ABCD2: variants seen among roughly 807,000 people sequenced by gnomAD.
ABCD2 encodes the protein ATP-binding cassette sub-family D member 2.
A neutral mutation model predicts 70.9 loss-of-function variants in ABCD2; 36 were observed. The ratio of observed to expected loss-of-function variants is 0.51; its 90% confidence interval spans 0.39 to 0.67. The LOEUF (loss-of-function observed/expected upper bound fraction) is 0.67, where lower values mean the gene tolerates loss of function less well. ABCD2 is among the 30% of genes least tolerant of loss of function. The probability of loss-of-function intolerance (pLI) is 0.00; values close to 1 mark genes in which losing one functional copy is unlikely to be tolerated. For synonymous variants in ABCD2, 304 were observed against 306.9 expected (o/e 0.99, Z 0.10); for missense variants, 729 against 890.2 (o/e 0.82, Z 2.30).
chr12:39,588,166 TA>T (rs962068437), intron 6 of ABCD2, among the ~76,000 whole-genome samples: 1 of 152,078 alleles, frequency 6.6e-6, no homozygotes, highest in Non-Finnish European at 1.5e-5. Flanking sequence ...TGTTTTTTAA[TA>T]AAAAAATTTC....
intron 9 of ABCD2, among the ~76,000 whole-genome samples, chr12:39,567,258 A>G (rs750129849): frequency 4.9e-4 from 75 of 152,130 alleles, no homozygotes; most frequent in Non-Finnish European, 9.7e-4. Context: ...ATTATTGTGC[A>G]GGAGTCTAAG....
At position 39,551,259 on chromosome 12, in the gene ABCD2, G is replaced by A. The variant is rs1197206951; in HGVS notation, c.*2653C>T. ...AAGTTTAAGAGTTAACCTAAAGAAT[G>A]CACATTTTAAACTCAAGCTCCATAA... On this transcript the variant is annotated 3_prime_UTR_variant, in exon 10 of 10. Coordinates refer to ENST00000308666, the MANE Select transcript of ABCD2 (RefSeq NM_005164.4). The A allele has an allele frequency of 1.3e-5, 2 of 151,738 alleles. No homozygotes were observed. The highest frequency in any genetic ancestry group is 6.6e-5 in the Admixed American group (1 of 15,218). The allele number at this position is 151,738 out of a possible 1,614,324, so 9.4% of individuals were successfully genotyped here. A position where few individuals can be genotyped will look rare whatever the true frequency, so the allele number is the denominator to read the frequency against.
intron 2 of ABCD2, among the ~76,000 whole-genome samples, chr12:39,615,201 G>C (rs996168018): frequency 3.0e-4 from 45 of 151,644 alleles, no homozygotes; most frequent in African/African-American, 1.1e-3. Flanking sequence ...GAATACTCCA[G>C]GGTTTTTTAA....
chr12:39,547,769 A>T (rs1422356683), downstream of ABCD2, among the ~76,000 whole-genome samples: 1 of 152,164 alleles, frequency 6.6e-6, no homozygotes, highest in African/African-American at 2.4e-5. Flanking sequence ...TGAACTGTAC[A>T]CATAAAAATG....
chr12:39,534,768 AAGAAAG>A, the ABCD2 span, among the ~76,000 whole-genome samples: 6,869 of 33,798 alleles, frequency 0.2, 354 homozygotes, highest in East Asian at 0.51. Context: ...AAGAGAAAGA[AAGAAAG>A]AAAGAAAGAA....
intron 3 of ABCD2, among the ~76,000 whole-genome samples, chr12:39,606,037 A>G (rs1263624473): frequency 1.3e-5 from 2 of 152,166 alleles, no homozygotes; most frequent in African/African-American, 2.4e-5. Flanking sequence ...TTGAGTTGTC[A>G]AGTAGAGGAA....
chr12:39,590,087 A>G (rs1348380085), intron 6 of ABCD2, among the ~76,000 whole-genome samples: 3 of 152,224 alleles, frequency 2.0e-5, no homozygotes, highest in African/African-American at 7.2e-5. Context: ...CAATGTTTAT[A>G]TAATTAGTTT....
intron 9 of ABCD2, among the ~76,000 whole-genome samples, chr12:39,566,607 A>C (rs886639260): frequency 5.9e-5 from 9 of 151,874 alleles, no homozygotes; most frequent in African/African-American, 2.2e-4. Context: ...TTTTTTTGAA[A>C]GGTTTTTTGT....
At position 39,553,951 on chromosome 12, in the gene ABCD2, T is replaced by G. The variant is rs374847835; in HGVS notation, c.2184A>C (p.Ser728=). The part of the protein sequence containing the change: ...NELCKILGED[S]VLKTIKNEDE... ...CTTCATTTTTAATTGTTTTCAGCAC[T>G]GAGTCTTCTCCCAAAATTTTACATA... The change falls in exon 10 of 10, where the codon TCA becomes TCC. Residue 728 remains serine (S), a synonymous_variant. Coordinates refer to ENST00000308666, the MANE Select transcript of ABCD2 (RefSeq NM_005164.4). 5.6e-6 allele frequency: 9 copies of G among 1,612,654 alleles called. No individual in the cohort carries two copies. The highest frequency in any genetic ancestry group is 6.8e-6 in the Non-Finnish European group (8 of 1,179,642).
intron 5 of ABCD2, among the ~76,000 whole-genome samples, chr12:39,602,990 T>A (rs1234293728): frequency 6.6e-6 from 1 of 152,082 alleles, no homozygotes; most frequent in Non-Finnish European, 1.5e-5. Flanking sequence ...ATCCTATAGG[T>A]CTATATGTGG....
At chr12:39,564,349 G>T (rs576597219) in intron 9 of ABCD2, among the ~76,000 whole-genome samples, 98 of 152,284 alleles carry the variant, frequency 6.4e-4, no homozygotes, top group African/African-American at 2.0e-3. Context: ...ATCTCACTGT[G>T]GTTTTTGATT....
chr12:39,531,400 A>G, the ABCD2 span, among the ~76,000 whole-genome samples: 1 of 152,180 alleles, frequency 6.6e-6, no homozygotes, highest in Non-Finnish European at 1.5e-5. Context: ...TGCCCTTAAG[A>G]AGGAGGCTTG....
intron 3 of ABCD2, among the ~76,000 whole-genome samples, chr12:39,606,441 T>C (rs563594275): frequency 7.2e-5 from 11 of 152,300 alleles, no homozygotes; most frequent in Non-Finnish European, 1.2e-4. Flanking sequence ...CAATCATTCG[T>C]TGAGTTGGAG....
chr12:39,562,823 C>A (rs1941280209), intron 9 of ABCD2, among the ~76,000 whole-genome samples: 1 of 152,014 alleles, frequency 6.6e-6, no homozygotes, highest in South Asian at 2.1e-4. Flanking sequence ...GCCAGCATTA[C>A]CCTGATACTG....
chr12:39,545,720 G>GT (rs941566722), downstream of ABCD2, among the ~76,000 whole-genome samples: 4 of 151,954 alleles, frequency 2.6e-5, no homozygotes, highest in African/African-American at 4.8e-5. Flanking sequence ...TTGGCATTGA[G>GT]TTTTTTTTAT....
the ABCD2 span, among the ~76,000 whole-genome samples, chr12:39,534,888 GAA>G: frequency 5.8e-4 from 2 of 3,462 alleles, no homozygotes; most frequent in Non-Finnish European, 1.2e-3. Context: ...AGGAAGGAAA[GAA>G]AGAAAGAAAG....
chr12:39,550,128 T>C lies in ABCD2; in HGVS notation c.*3784A>G, dbSNP rs1941067434. 6.6e-6 allele frequency: 1 copy of C among 151,726 alleles called. No homozygotes were observed. The highest frequency in any genetic ancestry group is 1.5e-5 in the Non-Finnish European group (1 of 67,724). The allele number at this position is 151,726 out of a possible 1,614,324, so 9.4% of individuals were successfully genotyped here. ...AAATGTGTTGTATTAATAAAGAAAA[T>C]TAATATTTAAATAACTATTTGGTGA... On this transcript the variant is annotated 3_prime_UTR_variant, in exon 10 of 10. Transcript: ENST00000308666.
In ABCD2 at chr12:39,618,845, G is replaced by C. The variant is rs748717215; in HGVS notation, c.771C>G (p.Thr257=). 1.2e-6 allele frequency: 2 copies of C among 1,614,162 alleles called. No homozygotes were observed. The highest frequency in any genetic ancestry group is 3.3e-5 in the Admixed American group (2 of 60,026). The change falls in exon 1 of 10, where the codon ACC becomes ACG. Residue 257 remains threonine, a synonymous_variant. Coordinates refer to ENST00000308666, the MANE Select transcript of ABCD2 (RefSeq NM_005164.4). ...CATACACCACAAGTCCTGCTAGTAG[G>C]GTGGGCCCAATTGGGCTTGCTCCTC... ...TSRGASPIGP[T]LLAGLVVYAT...
chr12:39,531,553 G>A, the ABCD2 span, among the ~76,000 whole-genome samples: 1 of 152,184 alleles, frequency 6.6e-6, no homozygotes, highest in Admixed American at 6.5e-5. Context: ...ACAGTACAAA[G>A]TTTAGGCAGG....
Sources: gnomAD v4.1 joint callset for allele counts (sites outside exome capture counted in the v4.1 genomes callset) on GRCh38, gnomAD v4.1.1 for gene constraint, MANE v1.5 for transcripts, NCBI Gene and HGNC (gene_info 2026-07-23, HGNC 2026-07-21) for gene names.